Variants in TTC28 observed in about 807,000 individuals in gnomAD.
The protein encoded by TTC28 is tetratricopeptide repeat domain 28, also known as tetratricopeptide repeat protein 28.
A neutral mutation model predicts 198.0 loss-of-function variants in TTC28; 61 were observed. That is an observed-to-expected ratio of 0.31 (90% confidence interval 0.25 to 0.38). The LOEUF is 0.38. Ranked by LOEUF, TTC28 falls within the 10% of genes least tolerant of loss-of-function variation. The pLI, the probability that TTC28 is intolerant of heterozygous loss-of-function variation, is 1.00. For missense variants in TTC28, 2,678 were observed against 3,164.0 expected, an observed-to-expected ratio of 0.85 and a Z score of 3.69; for synonymous variants, 1,171 against 1,297.8, an observed-to-expected ratio of 0.90 and a Z score of 2.10.
chr22:28,652,446 G>A (rs930927379), intron 1 of TTC28, among the ~76,000 whole-genome samples: 2 of 152,154 alleles, frequency 1.3e-5, no homozygotes, highest in Non-Finnish European at 2.9e-5. Context: ...TACTGTTTTT[G>A]CCAGACATCT....
At chr22:28,119,283 G>T (rs943904233) in intron 6 of TTC28, among the ~76,000 whole-genome samples, 1 of 152,062 alleles carries the variant, frequency 6.6e-6, no homozygotes, top group Non-Finnish European at 1.5e-5. Context: ...TAGGGTATTG[G>T]TATTATTCCA....
intron 4 of TTC28, among the ~76,000 whole-genome samples, chr22:28,296,924 G>C (rs1203208022): frequency 6.6e-6 from 1 of 152,114 alleles, no homozygotes; most frequent in East Asian, 1.9e-4. Flanking sequence ...CCAGTAGTCA[G>C]GCTCCACAGT....
At chr22:28,074,995 C>T (rs551255346) in intron 12 of TTC28, among the ~76,000 whole-genome samples, 10 of 151,992 alleles carry the variant, frequency 6.6e-5, no homozygotes, top group Admixed American at 2.0e-4. Context: ...AGCTGAGACA[C>T]GAGAATCGCT....
intron 5 of TTC28, among the ~76,000 whole-genome samples, chr22:28,250,461 G>A (rs531349726): frequency 5.3e-5 from 8 of 152,188 alleles, no homozygotes; most frequent in African/African-American, 1.7e-4. Context: ...TTTGGTATCC[G>A]TAAGAGGTAT....
At chr22:28,143,787 A>C (rs1001588210) in intron 6 of TTC28, among the ~76,000 whole-genome samples, 1 of 152,252 alleles carries the variant, frequency 6.6e-6, no homozygotes, top group Non-Finnish European at 1.5e-5. Flanking sequence ...AAAAGGGCTC[A>C]GCAAAAGTTA....
At chr22:28,633,760 A>C (rs1038015347) in intron 1 of TTC28, among the ~76,000 whole-genome samples, 3 of 152,216 alleles carry the variant, frequency 2.0e-5, no homozygotes, top group African/African-American at 7.2e-5. Context: ...CCCAAAATAT[A>C]TTCTAAGGAA....
Position 28,097,636 on chromosome 22 carries a change from G to A in TTC28, c.3548-1228C>T, listed in dbSNP as rs1432309078. ...AACACAATGCAGCGGATTTACTTTT[G>A]TCATAAATGTAAATATGGAAGAGTT... is the stretch of plus-strand genomic sequence containing the variant. On this transcript the variant is annotated intron_variant, in intron 10 of 22. Coordinates refer to ENST00000397906, the MANE Select transcript of TTC28 (RefSeq NM_001145418.2). Among the ~76,000 whole-genome samples, 3 of 152,182 alleles carry A rather than the reference G, an allele frequency of 2.0e-5. No homozygotes were observed. The East Asian group carries it at 5.8e-4, about 29-fold the overall frequency.
intron 6 of TTC28, among the ~76,000 whole-genome samples, chr22:28,113,893 A>G (rs1428427265): frequency 6.6e-6 from 1 of 152,224 alleles, no homozygotes; most frequent in Non-Finnish European, 1.5e-5. Context: ...ATATTCTTCT[A>G]TAATCTTTTT....
intron 2 of TTC28, among the ~76,000 whole-genome samples, chr22:28,426,211 C>CAAAA (rs34448246): frequency 4.2e-4 from 36 of 85,288 alleles, no homozygotes; most frequent in Non-Finnish European, 4.6e-4. Context: ...GACTCCACGT[C>CAAAA]AAAAAAAAAA....
chr22:28,675,735 T>TCACACACACACA (rs71316854), intron 1 of TTC28, among the ~76,000 whole-genome samples: 46 of 135,204 alleles, frequency 3.4e-4, no homozygotes, highest in African/African-American at 7.8e-4. Flanking sequence ...TGAAACCCTG[T>TCACACACACACA]CACACACACA....
At chr22:28,055,852 T>C (rs1388723898) in intron 12 of TTC28, among the ~76,000 whole-genome samples, 1 of 152,124 alleles carries the variant, frequency 6.6e-6, no homozygotes, top group African/African-American at 2.4e-5. Context: ...TAGGCCCTAC[T>C]CACATTCCTT....
chr22:28,047,296 C>T (rs1300190225), intron 12 of TTC28, among the ~76,000 whole-genome samples: 3 of 152,164 alleles, frequency 2.0e-5, no homozygotes, highest in Non-Finnish European at 4.4e-5. Flanking sequence ...TTCTGCCCTG[C>T]CAGGAGGGTG....
intron 2 of TTC28, among the ~76,000 whole-genome samples, chr22:28,337,936 C>G (rs537731900): frequency 2.9e-3 from 445 of 152,218 alleles, no homozygotes; most frequent in Non-Finnish European, 5.0e-3. Flanking sequence ...TTTCTAGCCT[C>G]GATGGTCTTT....
chr22:28,337,015 G>A (rs1309950314), intron 2 of TTC28, among the ~76,000 whole-genome samples: 4 of 152,132 alleles, frequency 2.6e-5, no homozygotes, highest in Non-Finnish European at 5.9e-5. Flanking sequence ...CTTTGAATGT[G>A]TTCCAGAGAT....
At chr22:28,272,198 G>T (rs1406539392) in intron 5 of TTC28, among the ~76,000 whole-genome samples, 1 of 152,176 alleles carries the variant, frequency 6.6e-6, no homozygotes, top group Non-Finnish European at 1.5e-5. Context: ...CTTCATAGAT[G>T]TTCCCAAAAT....
At chr22:28,058,298 C>G (rs1270360965) in intron 12 of TTC28, among the ~76,000 whole-genome samples, 2 of 152,006 alleles carry the variant, frequency 1.3e-5, no homozygotes, top group Non-Finnish European at 2.9e-5. Context: ...TTCTGCTAAG[C>G]CTTGGGCATT....
At position 27,992,708 on chromosome 22, in the gene TTC28, C is replaced by G; in HGVS notation, c.5477-45G>C. 4 of 1,526,942 alleles carry G rather than the reference C, an allele frequency of 2.6e-6. No individual in the cohort carries two copies. In the African/African-American group the frequency reaches 4.2e-5, roughly 16 times the overall value. The allele number at this position is 1,526,942 out of a possible 1,614,324, so 94.6% of individuals were successfully genotyped here. The stretch of plus-strand genomic sequence containing the variant: ...TAGAAGTTATTCAGAAGGGCCTCTG[C>G]ACCCAAAAGCCTGCCACCTTCCCAG... On this transcript the variant is annotated intron_variant, in intron 18 of 22. Transcript: ENST00000397906.
chr22:28,312,424 C>T lies in TTC28; in HGVS notation c.382-5781G>A, dbSNP rs537922571. Among the ~76,000 whole-genome samples, 1,303 of 152,278 alleles carry T rather than the reference C, an allele frequency of 8.6e-3. 17 individuals are homozygous for T. The highest frequency in any genetic ancestry group is 0.03 in the African/African-American group (1,232 of 41,540). On this transcript the variant is annotated intron_variant, in intron 2 of 22. Transcript: ENST00000397906. ...AGAATATACATTCTTCTCAGCACCA[C>T]ATCACACTTATTCTAAAATTGACCA... is the stretch of plus-strand genomic sequence containing the variant.
chr22:28,055,834 G>A (rs1373763292), intron 12 of TTC28, among the ~76,000 whole-genome samples: 4 of 151,854 alleles, frequency 2.6e-5, no homozygotes, highest in Non-Finnish European at 5.9e-5. Context: ...CACTCATACC[G>A]TCACCCCTAG....
Sources: allele counts gnomAD v4.1 joint callset (sites outside exome capture counted in the v4.1 genomes callset), GRCh38; gene constraint gnomAD v4.1.1; transcripts MANE v1.5; gene names NCBI Gene and HGNC (gene_info 2026-07-23, HGNC 2026-07-21).